The following PANK4 variants were observed in gnomAD, a reference collection of about 807,000 sequenced individuals.
The protein encoded by PANK4 is pantothenate kinase 4 (inactive).
A neutral mutation model predicts 87.9 loss-of-function variants in PANK4; 40 were observed. The observed-to-expected ratio is 0.46, with a 90% CI of 0.35 to 0.59. The LOEUF (loss-of-function observed/expected upper bound fraction) is 0.59, where lower values mean the gene tolerates loss of function less well. Ranked by LOEUF, PANK4 falls within the 20% of genes least tolerant of loss-of-function variation. The pLI is 0.00. For missense variants in PANK4, 926 were observed against 1,072.3 expected (o/e 0.86, Z 1.90); for synonymous variants, 524 against 467.4 (o/e 1.12, Z -1.56).
chr1:2,509,709 C>T lies in PANK4; in HGVS notation c.2108+153G>A. The T allele has an allele frequency of 1.5e-6, 1 of 672,756 alleles. No individual in the cohort carries two copies. The allele number at this position is 672,756 out of a possible 1,614,324, so 41.7% of individuals were successfully genotyped here. A position where few individuals can be genotyped will look rare whatever the true frequency, so the allele number is the denominator to read the frequency against. On this transcript the variant is annotated intron_variant, in intron 18 of 18. Transcript: ENST00000378466. The surrounding 1 kb of genome is among the most constrained non-coding windows in gnomAD (Gnocchi z 4.9). ...CAGGCCACCTTCGGGGATGGCATAT[C>T]TGTCCCCTCCTGAGATCAATCCGGG...
intron 12 of PANK4, among the ~76,000 whole-genome samples, chr1:2,513,436 C>G (rs931369090): frequency 2.6e-5 from 4 of 152,368 alleles, no homozygotes; most frequent in African/African-American, 9.6e-5. Context: ...GAGTCCATGC[C>G]TCCGCTGCTG....
intron 1 of PANK4, 136 bp downstream of exon 1, chr1:2,526,328 G>T: frequency 2.8e-6 from 1 of 357,490 alleles, no homozygotes; most frequent in Non-Finnish European, 3.9e-6. Context: ...CGGGCCCGCG[G>T]ACTACAAGGC....
In PANK4 at chr1:2,510,310, T is replaced by C; in HGVS notation, c.1939-153A>G. On this transcript the variant is annotated intron_variant, in intron 16 of 18. Transcript: ENST00000378466. The surrounding 1 kb of genome is among the most constrained non-coding windows in gnomAD (Gnocchi z 4.9). Reference sequence around the variant, plus strand: ...GCTGCTGAGGAGCAGGGACCTCGCCTGACCTTGCCACTCTGTGGCCCCTGG... The same window carrying C: ...GCTGCTGAGGAGCAGGGACCTCGCCCGACCTTGCCACTCTGTGGCCCCTGG... 1 of 646,258 alleles carries C rather than the reference T, an allele frequency of 1.5e-6. No individual in the cohort carries two copies. The highest frequency in any genetic ancestry group is 1.7e-5 in the South Asian group (1 of 57,282). 40.0% of individuals were successfully genotyped at this position (646,258 alleles called of 1,614,324 possible).
At position 2,509,575 on chromosome 1, in the gene PANK4, G is replaced by A. The variant is rs1454466535; in HGVS notation, c.2108+287C>T. ...CAGACACCGGGCAGCTGCCCAGGTC[G>A]CCCTCGGTCTCAGCTGAGTGGCCAC... On this transcript the variant is annotated intron_variant, in intron 18 of 18. Transcript: ENST00000378466. The surrounding 1 kb of genome is among the most constrained non-coding windows in gnomAD (Gnocchi z 4.9). Among the ~76,000 whole-genome samples, 3 of 152,188 alleles carry A rather than the reference G, an allele frequency of 2.0e-5. No individual in the cohort carries two copies. Among genetic ancestry groups the A allele is most frequent in the Non-Finnish European group, 2.9e-5 (2 of 68,030 alleles).
chr1:2,516,912 G>A (rs1359326748), intron 9 of PANK4, among the ~76,000 whole-genome samples: 1 of 152,210 alleles, frequency 6.6e-6, no homozygotes, highest in Non-Finnish European at 1.5e-5. Flanking sequence ...CCATCTCTCT[G>A]CATGTCAGTT....
chr1:2,526,311 C>A, intron 1 of PANK4, 153 bp downstream of exon 1: 1 of 251,816 alleles, frequency 4.0e-6, no homozygotes, highest in Non-Finnish European at 6.3e-6. Flanking sequence ...GCCCGTGAGG[C>A]TGTGCGCGGG....
In PANK4 at chr1:2,526,558, C is replaced by T; in HGVS notation, c.30G>A (p.Gly10=). 1 of 1,602,866 alleles carries T rather than the reference C, an allele frequency of 6.2e-7. No homozygotes were observed. Among genetic ancestry groups the T allele is most frequent in the Non-Finnish European group, 8.5e-7 (1 of 1,175,332 alleles). The change falls in exon 1 of 19, where the codon GGG becomes GGA. Residue 10 remains glycine (G), a synonymous_variant. Coordinates refer to ENST00000378466, the MANE Select transcript of PANK4 (RefSeq NM_018216.4). MAECGASGS[G]SSGDSLDKSI... The stretch of plus-strand genomic sequence containing the variant: ...TCTTGTCCAGACTGTCCCCGCTGCT[C>T]CCGCTGCCGCTCGCTCCACACTCCG...
Position 2,515,108 on chromosome 1 carries a change from G to A in PANK4, c.1374+454C>T, listed in dbSNP as rs1187731367. On this transcript the variant is annotated intron_variant, in intron 10 of 18. Transcript: ENST00000378466. This position sits in a 1 kb window ranked among gnomAD's most constrained non-coding sequence, Gnocchi z 5.0. The stretch of plus-strand genomic sequence containing the variant: ...CTCCTGAGGGGCAGCGTGGCCCAGG[G>A]CCTGGCATTTGCTCCACGGGACCAG... The A allele has an allele frequency of 5.6e-6, 2 of 359,630 alleles. No individual in the cohort carries two copies. The highest frequency in any genetic ancestry group is 4.3e-5 in the African/African-American group (2 of 46,960). 22.3% of individuals were successfully genotyped at this position (359,630 alleles called of 1,614,324 possible).
chr1:2,524,650 C>T (rs1162751558), intron 1 of PANK4, among the ~76,000 whole-genome samples: 6 of 152,234 alleles, frequency 3.9e-5, no homozygotes, highest in South Asian at 2.1e-4. Context: ...CCCAGCTCTG[C>T]GGCTTCACTG....
rs961761145 is a variant in PANK4 at position 2,509,714 on chromosome 1, C to T, written c.2108+148G>A. On this transcript the variant is annotated intron_variant, in intron 18 of 18. Transcript: ENST00000378466. The surrounding 1 kb of genome is among the most constrained non-coding windows in gnomAD (Gnocchi z 4.9). ...CACCTTCGGGGATGGCATATCTGTC[C>T]CCTCCTGAGATCAATCCGGGCCTGG... The T allele has an allele frequency of 1.0e-5, 7 of 687,926 alleles. No individual in the cohort carries two copies. The highest frequency in any genetic ancestry group is 5.3e-5 in the African/African-American group (3 of 56,306). The allele number at this position is 687,926 out of a possible 1,614,324, so 42.6% of individuals were successfully genotyped here. A position where few individuals can be genotyped will look rare whatever the true frequency, so the allele number is the denominator to read the frequency against.
At position 2,520,858 on chromosome 1, in the gene PANK4, G is replaced by C; in HGVS notation, c.471C>G (p.Phe157Leu). The change falls in exon 4 of 19, where the codon TTC becomes TTG. Residue 157 changes from phenylalanine to leucine, a missense_variant. Transcript: ENST00000378466. This position sits in a 1 kb window ranked among gnomAD's most constrained non-coding sequence, Gnocchi z 6.2. ...CCTCATGGGGGATGTTCTTGAGCAC[G>C]AAGTTGCACCCCTTAATCAGGCACG... is the stretch of plus-strand genomic sequence containing the variant. Reference protein sequence around the residue: ...VMTCLIKGCNFVLKNIPHEAF... With the variant: ...VMTCLIKGCNLVLKNIPHEAF... 1 of 1,580,628 alleles carries C rather than the reference G, an allele frequency of 6.3e-7. No homozygotes were observed. The highest frequency in any genetic ancestry group is 8.6e-7 in the Non-Finnish European group (1 of 1,164,324).
chr1:2,510,173 C>A lies in PANK4; in HGVS notation c.1939-16G>T. 1 of 1,534,844 alleles carries A rather than the reference C, an allele frequency of 6.5e-7. No homozygotes were observed. Among genetic ancestry groups the A allele is most frequent in the Non-Finnish European group, 8.9e-7 (1 of 1,119,808 alleles). ...CCAGGATGACCTGCAGGAGGAGGGC[C>A]CAGGCTCTTTAGGAACCTGTGCTGG... On this transcript the variant is annotated splice_polypyrimidine_tract_variant and intron_variant, in intron 16 of 18. Coordinates refer to ENST00000378466, the MANE Select transcript of PANK4 (RefSeq NM_018216.4). This position sits in a 1 kb window ranked among gnomAD's most constrained non-coding sequence, Gnocchi z 4.9.
Position 2,515,494 on chromosome 1 carries a change from C to A in PANK4, c.1374+68G>T. 1.3e-6 allele frequency: 2 copies of A among 1,549,160 alleles called. No individual in the cohort carries two copies. The highest frequency in any genetic ancestry group is 1.8e-6 in the Non-Finnish European group (2 of 1,123,636). On this transcript the variant is annotated intron_variant, in intron 10 of 18. Coordinates refer to ENST00000378466, the MANE Select transcript of PANK4 (RefSeq NM_018216.4). This position sits in a 1 kb window ranked among gnomAD's most constrained non-coding sequence, Gnocchi z 5.0. Reference sequence around the variant, plus strand: ...CCCCCTTCGCCACCTTGGCTTTGCCCCCGGAGCCTTGGAAGGTTAACCCGG... The same window carrying A: ...CCCCCTTCGCCACCTTGGCTTTGCCACCGGAGCCTTGGAAGGTTAACCCGG...
chr1:2,524,179 C>T (rs904920849), intron 1 of PANK4, among the ~76,000 whole-genome samples: 9 of 152,196 alleles, frequency 5.9e-5, no homozygotes, highest in Admixed American at 5.2e-4. Context: ...AGAAATACAA[C>T]GTCCCTGCTG....
rs764063386 is a variant in PANK4 at position 2,510,778 on chromosome 1, G to A, written c.1838C>T (p.Pro613Leu). Reference protein sequence around the residue: ...YSEWLQRLKGPPHKCALIFAD... With the variant: ...YSEWLQRLKGLPHKCALIFAD... ...GAAAATTAAGGCACATTTATGAGGG[G>A]GCCCCTGTAAGACAAAACCAGGACG... is the stretch of plus-strand genomic sequence containing the variant. The change falls in exon 16 of 19, where the codon CCC (proline) becomes CTC (leucine). Residue 613 changes from proline (P) to leucine (L), a missense_variant. Coordinates refer to ENST00000378466, the MANE Select transcript of PANK4 (RefSeq NM_018216.4). This position sits in a 1 kb window ranked among gnomAD's most constrained non-coding sequence, Gnocchi z 4.9. 4.4e-6 allele frequency: 7 copies of A among 1,605,542 alleles called. No homozygotes were observed. The highest frequency in any genetic ancestry group is 1.7e-4 in the Middle Eastern group (1 of 6,044).
rs2494604 is a variant in PANK4, at chr1:2,515,829, C to T, written c.1219-112G>A. 2,705 of 1,079,362 alleles carry T rather than the reference C, an allele frequency of 2.5e-3. 39 individuals carry two copies. The African/African-American group carries it at 0.034, about 14-fold the overall frequency. 66.9% of individuals were successfully genotyped at this position (1,079,362 alleles called of 1,614,324 possible). The stretch of plus-strand genomic sequence containing the variant: ...AGAAGGGAGATGTACTGCCTTCTTC[C>T]GCCACGTCTCTGGGCCACAGACGAG... On this transcript the variant is annotated intron_variant, in intron 9 of 18. Transcript: ENST00000378466. The surrounding 1 kb of genome is among the most constrained non-coding windows in gnomAD (Gnocchi z 5.0).
rs989407572 is a variant in PANK4, at chr1:2,515,564, C to T, written c.1372G>A (p.Gly458Arg). 6 of 1,612,488 alleles carry T rather than the reference C, an allele frequency of 3.7e-6. No homozygotes were observed. The highest frequency in any genetic ancestry group is 4.2e-6 in the Non-Finnish European group (5 of 1,179,826). The part of the protein sequence containing the change: ...WLTCFEEALD[G>R]VVKRAVASQP... ...TAGACGGCACCCGGAGCCCTCACCC[C>T]GTCCAGGGCCTCCTCAAAGCAGGTG... The change falls in exon 10 of 19, where the codon GGG becomes AGG. Residue 458 changes from glycine (G) to arginine (R), a missense_variant and splice_region_variant. Coordinates refer to ENST00000378466, the MANE Select transcript of PANK4 (RefSeq NM_018216.4). This position sits in a 1 kb window ranked among gnomAD's most constrained non-coding sequence, Gnocchi z 5.0.
chr1:2,513,042 G>A lies in PANK4; in HGVS notation c.1576-3C>T. The A allele has an allele frequency of 6.3e-7, 1 of 1,592,394 alleles. No individual in the cohort carries two copies. The highest frequency in any genetic ancestry group is 8.6e-7 in the Non-Finnish European group (1 of 1,166,066). ...ACGCCATTCTCCCGCTGCTTCACCT[G>A]TGGAGAGTGCCAGATGCCAGGCCTG... On this transcript the variant is annotated splice_region_variant and splice_polypyrimidine_tract_variant and intron_variant, in intron 12 of 18. Transcript: ENST00000378466.
At chr1:2,513,697 C>T (rs1416361607) in intron 12 of PANK4, among the ~76,000 whole-genome samples, 4 of 152,216 alleles carry the variant, frequency 2.6e-5, no homozygotes, top group Non-Finnish European at 5.9e-5. Context: ...TTGGCTCCTG[C>T]AGGCAGGCAG....
Sources: allele counts gnomAD v4.1 joint callset (sites outside exome capture counted in the v4.1 genomes callset), GRCh38; gene constraint gnomAD v4.1.1; non-coding constraint Gnocchi (gnomAD v3.1); transcripts MANE v1.5; gene names NCBI Gene and HGNC (gene_info 2026-07-23, HGNC 2026-07-21).